The following LMBR1 variants were observed in gnomAD, a reference collection of about 807,000 sequenced individuals.
LMBR1 encodes limb region 1 protein homolog.
LMBR1 carries 52 observed loss-of-function variants against 73.9 expected under a neutral mutation model. That is an observed-to-expected ratio of 0.70 (90% CI 0.56 to 0.89). The LOEUF (loss-of-function observed/expected upper bound fraction) is 0.89. Ranked by LOEUF, LMBR1 falls within the 40% of genes least tolerant of loss-of-function variation. The pLI, the probability that LMBR1 is intolerant of heterozygous loss-of-function variation, is 0.00. For synonymous variants in LMBR1, 215 were observed against 209.4 expected, an observed-to-expected ratio of 1.03 and a Z score of -0.23; for missense variants, 539 against 579.8, an observed-to-expected ratio of 0.93 and a Z score of 0.72.
At chr7:156,853,174 A>G (rs562525204) in intron 1 of LMBR1, among the ~76,000 whole-genome samples, 14 of 151,716 alleles carry the variant, frequency 9.2e-5, no homozygotes, top group South Asian at 4.2e-4. Flanking sequence ...TCCTGACCTC[A>G]TGATCTGCCC....
intron 9 of LMBR1, among the ~76,000 whole-genome samples, chr7:156,739,109 T>G (rs969809307): frequency 6.7e-6 from 1 of 150,136 alleles, no homozygotes; most frequent in Non-Finnish European, 1.5e-5. Context: ...CCCTGTAGGG[T>G]GAGTCCCAGG....
At chr7:156,825,723 T>C (rs79386671) in intron 4 of LMBR1, among the ~76,000 whole-genome samples, 1 of 152,332 alleles carries the variant, frequency 6.6e-6, no homozygotes, top group East Asian at 1.9e-4. Context: ...TCATAATAGC[T>C]ACCACCTATT....
At chr7:156,728,311 GAACT>G (rs1166230321) in intron 11 of LMBR1, among the ~76,000 whole-genome samples, 5 of 152,136 alleles carry the variant, frequency 3.3e-5, no homozygotes, top group Non-Finnish European at 7.4e-5. Flanking sequence ...AATATTATCA[GAACT>G]AACTTCATAA....
chr7:156,742,178 T>C (rs117421564), intron 9 of LMBR1, among the ~76,000 whole-genome samples: 5,310 of 151,864 alleles, frequency 0.035, 138 homozygotes, highest in Non-Finnish European at 0.045. Context: ...GCTACAGGTG[T>C]CTATATAAAA....
At chr7:156,806,598 CTTTTTTTTTTT>C (rs71189962) in intron 4 of LMBR1, among the ~76,000 whole-genome samples, 154 of 44,670 alleles carry the variant, frequency 3.4e-3, no homozygotes, top group African/African-American at 0.012. Context: ...TTTGTAGATG[CTTTTTTTTTTT>C]TTTTTTTTTT....
chr7:156,862,062 A>T (rs1373032101), intron 1 of LMBR1, among the ~76,000 whole-genome samples: 3 of 152,208 alleles, frequency 2.0e-5, no homozygotes, highest in Non-Finnish European at 4.4e-5. Context: ...TCCTGGTATG[A>T]ATTTACTGTA....
intron 9 of LMBR1, among the ~76,000 whole-genome samples, chr7:156,737,136 A>T (rs1459507026): frequency 6.6e-6 from 1 of 152,172 alleles, no homozygotes; most frequent in African/African-American, 2.4e-5. Flanking sequence ...GCTTGCTAAG[A>T]AAAGGTGAAT....
Position 156,688,109 on chromosome 7 carries a change from C to T in LMBR1, c.1308G>A (p.Leu436=). The T allele has an allele frequency of 6.2e-7, 1 of 1,612,396 alleles. No individual in the cohort carries two copies. The highest frequency in any genetic ancestry group is 1.1e-5 in the South Asian group (1 of 90,676). ...ACAATGTTGTCACAATAGCAAAAAGCAAATTGTAGGATAATACAATATAGA... is the reference window on the plus strand; with the variant it reads ...ACAATGTTGTCACAATAGCAAAAAGTAAATTGTAGGATAATACAATATAGA... The part of the protein sequence containing the change: ...GNFYIVLSYN[L]LFAIVTTLCL... The change falls in exon 16 of 17, where the codon TTG becomes TTA. Residue 436 remains leucine (L), a synonymous_variant. Transcript: ENST00000353442.
intron 5 of LMBR1, among the ~76,000 whole-genome samples, chr7:156,789,892 T>C (rs1422218540): frequency 6.6e-6 from 1 of 151,026 alleles, no homozygotes; most frequent in Non-Finnish European, 1.5e-5. Flanking sequence ...TTCATGAGTA[T>C]TGGAGTAGTA....
At chr7:156,780,466 G>C (rs1826932302) in intron 5 of LMBR1, among the ~76,000 whole-genome samples, 1 of 152,044 alleles carries the variant, frequency 6.6e-6, no homozygotes, top group South Asian at 2.1e-4. Context: ...ATTATAAAAA[G>C]ACTATGGTAA....
chr7:156,816,126 C>T (rs1833876371), intron 4 of LMBR1, among the ~76,000 whole-genome samples: 1 of 152,072 alleles, frequency 6.6e-6, no homozygotes, highest in Non-Finnish European at 1.5e-5. Flanking sequence ...TTCTGACTAA[C>T]CAATACACTT....
intron 9 of LMBR1, among the ~76,000 whole-genome samples, chr7:156,751,648 G>A (rs1379958791): frequency 6.6e-6 from 1 of 152,176 alleles, no homozygotes; most frequent in Non-Finnish European, 1.5e-5. Context: ...CAGGTGGTGA[G>A]GCACAGTCAG....
At chr7:156,733,611 A>G (rs1006596307) in intron 10 of LMBR1, among the ~76,000 whole-genome samples, 20 of 152,216 alleles carry the variant, frequency 1.3e-4, no homozygotes, top group Non-Finnish European at 2.9e-5. Context: ...AATGAAATAC[A>G]GCAAGAAAAA....
intron 1 of LMBR1, among the ~76,000 whole-genome samples, chr7:156,854,622 G>A (rs145561374): frequency 4.5e-4 from 69 of 152,308 alleles, no homozygotes; most frequent in African/African-American, 1.6e-3. Flanking sequence ...CCTGGAAGAA[G>A]AGAGACACCC....
chr7:156,755,544 G>A (rs1411879104), intron 9 of LMBR1, among the ~76,000 whole-genome samples: 1 of 152,134 alleles, frequency 6.6e-6, no homozygotes, highest in Admixed American at 6.5e-5. Context: ...ACAGTAGCAT[G>A]ATTATCCAAA....
intron 5 of LMBR1, among the ~76,000 whole-genome samples, chr7:156,774,126 T>G (rs1356273673): frequency 1.3e-5 from 2 of 152,000 alleles, no homozygotes; most frequent in Non-Finnish European, 2.9e-5. Flanking sequence ...GCAACAACAC[T>G]AATCATTACA....
chr7:156,782,242 C>T (rs966181653), intron 5 of LMBR1, among the ~76,000 whole-genome samples: 2 of 152,176 alleles, frequency 1.3e-5, no homozygotes, highest in Non-Finnish European at 2.9e-5. Flanking sequence ...ATTGCTTCCA[C>T]CATTTAGGTA....
intron 5 of LMBR1, among the ~76,000 whole-genome samples, chr7:156,791,401 T>C (rs146437465): frequency 6.6e-6 from 1 of 152,346 alleles, no homozygotes; most frequent in Non-Finnish European, 1.5e-5. Flanking sequence ...CTACTCACTC[T>C]GTGTCTCTTT....
At chr7:156,860,712 T>C (rs554186305) in intron 1 of LMBR1, among the ~76,000 whole-genome samples, 26 of 152,338 alleles carry the variant, frequency 1.7e-4, no homozygotes, top group African/African-American at 6.0e-4. Context: ...GGTACAAGCA[T>C]TGGGTAAACA....
Sources: allele counts gnomAD v4.1 joint callset (sites outside exome capture counted in the v4.1 genomes callset), GRCh38; gene constraint gnomAD v4.1.1; transcripts MANE v1.5; gene names NCBI Gene and HGNC (gene_info 2026-07-23, HGNC 2026-07-21).